Variants in ITPR1 observed in about 807,000 individuals in gnomAD.
ITPR1 encodes inositol 1,4,5-trisphosphate receptor type 1, also known as inositol 1,4,5-trisphosphate-gated calcium channel ITPR1.
ITPR1 carries 96 observed loss-of-function variants against 318.4 expected under a neutral mutation model. The ratio of observed to expected loss-of-function variants is 0.30; its 90% CI spans 0.26 to 0.36. The LOEUF is 0.36. Ranked by LOEUF, ITPR1 falls within the 10% of genes least tolerant of loss-of-function variation. The pLI, the probability that ITPR1 is intolerant of heterozygous loss-of-function variation, is 1.00. For missense variants in ITPR1, 2,440 were observed against 3,460.2 expected (o/e 0.71, Z 7.40); for synonymous variants, 1,312 against 1,289.9 (o/e 1.02, Z -0.37).
chr3:4,540,137 C>T (rs1245597927), intron 4 of ITPR1, among the ~76,000 whole-genome samples: 4 of 151,170 alleles, frequency 2.6e-5, no homozygotes, highest in African/African-American at 9.8e-5. Context: ...TTTGCCTTAC[C>T]CTCAGTTTTT....
chr3:4,620,547 G>A (rs890791364), intron 4 of ITPR1, among the ~76,000 whole-genome samples: 9 of 152,030 alleles, frequency 5.9e-5, no homozygotes, highest in African/African-American at 2.2e-4. Context: ...CAGAAACAGA[G>A]GCCTCACTTT....
At chr3:4,559,150 C>T (rs2086429953) in intron 4 of ITPR1, among the ~76,000 whole-genome samples, 1 of 135,730 alleles carries the variant, frequency 7.4e-6, no homozygotes, top group South Asian at 2.4e-4. Context: ...CAACTGTGCC[C>T]ACCTGAAAAA....
intron 39 of ITPR1, among the ~76,000 whole-genome samples, 200 bp from the exon 40 acceptor site, chr3:4,717,167 C>T (rs1379256608): frequency 2.0e-5 from 3 of 152,166 alleles, no homozygotes; most frequent in Non-Finnish European, 1.5e-5. Context: ...GTGGCAGCAT[C>T]GTGTCCGTTT....
In ITPR1 at chr3:4,826,500, C is replaced by CGGTG. The variant is rs1329585367; in HGVS notation, c.8028+8260_8028+8263dup. 6.6e-6 allele frequency among the ~76,000 whole-genome samples: 1 copy of CGGTG among 152,140 alleles called. No homozygotes were observed. Among genetic ancestry groups the CGGTG allele is most frequent in the Non-Finnish European group, 1.5e-5 (1 of 68,020 alleles). On this transcript the variant is annotated intron_variant, in intron 60 of 61. Transcript: ENST00000649015. The surrounding 1 kb of genome is among the most constrained non-coding windows in gnomAD (Gnocchi z 4.2). ...GAAGAGGGATTTGGCACTGGCTTCCCGGTGGCTGGAAACAGTGTGTCAGCG... is the reference window on the plus strand; with the variant it reads ...GAAGAGGGATTTGGCACTGGCTTCCCGGTGGGTGGCTGGAAACAGTGTGTCAGCG...
rs1010861325 is a variant in ITPR1, at chr3:4,847,486, A to G, written c.*1261A>G. The G allele has an allele frequency of 3.9e-5, 6 of 152,212 alleles. No individual in the cohort carries two copies. Among genetic ancestry groups the G allele is most frequent in the Non-Finnish European group, 7.3e-5 (5 of 68,036 alleles). The allele number at this position is 152,212 out of a possible 1,614,324, so 9.4% of individuals were successfully genotyped here. A position where few individuals can be genotyped will look rare whatever the true frequency, so the allele number is the denominator to read the frequency against. ...ATGCATATATAAAAATATTTAATAA[A>G]TGATGCAGAATATACAGTGACTGGT... On this transcript the variant is annotated 3_prime_UTR_variant, in exon 62 of 62. Transcript: ENST00000649015.
intron 2 of ITPR1, among the ~76,000 whole-genome samples, chr3:4,504,313 A>G (rs1385009182): frequency 6.6e-6 from 1 of 152,110 alleles, no homozygotes; most frequent in East Asian, 1.9e-4. Flanking sequence ...GGCGGGGGGA[A>G]TGGAGAATGA....
intron 4 of ITPR1, among the ~76,000 whole-genome samples, chr3:4,585,225 C>T (rs918337197): frequency 1.3e-5 from 2 of 152,144 alleles, no homozygotes; most frequent in Non-Finnish European, 2.9e-5. Context: ...ACCTATTTGC[C>T]TAATGCTGGG....
intron 7 of ITPR1, among the ~76,000 whole-genome samples, 192 bp downstream of exon 7, chr3:4,642,443 A>G (rs1160780925): frequency 6.6e-6 from 1 of 152,202 alleles, no homozygotes; most frequent in Non-Finnish European, 1.5e-5. Flanking sequence ...AAATACTGTC[A>G]CTGTGTTTTT....
intron 44 of ITPR1, among the ~76,000 whole-genome samples, chr3:4,744,935 T>A (rs2043978090): frequency 8.6e-6 from 1 of 116,470 alleles, no homozygotes; most frequent in African/African-American, 3.5e-5. Context: ...CTTCCTTCCT[T>A]CCTTCCTTCC....
At chr3:4,837,702 T>C (rs2051029543) in intron 61 of ITPR1, among the ~76,000 whole-genome samples, 1 of 152,126 alleles carries the variant, frequency 6.6e-6, no homozygotes, top group Non-Finnish European at 1.5e-5. Flanking sequence ...CGTACTCTGT[T>C]TCTGCCCTTT....
intron 44 of ITPR1, among the ~76,000 whole-genome samples, chr3:4,739,825 A>T (rs138986970): frequency 2.0e-5 from 3 of 152,256 alleles, no homozygotes; most frequent in Admixed American, 2.0e-4. Context: ...GTCTTAGAAC[A>T]GCTTACGTGG....
chr3:4,520,630 A>G (rs1191094267), intron 3 of ITPR1, among the ~76,000 whole-genome samples: 2 of 152,068 alleles, frequency 1.3e-5, no homozygotes, highest in African/African-American at 4.8e-5. Context: ...CTCCTGCACT[A>G]GCCTTGAGCT....
At chr3:4,538,057 T>C (rs2084046060) in intron 4 of ITPR1, among the ~76,000 whole-genome samples, 1 of 152,208 alleles carries the variant, frequency 6.6e-6, no homozygotes, top group Non-Finnish European at 1.5e-5. Context: ...CTTCATTCTC[T>C]TTCTTTAGAT....
At chr3:4,599,227 G>A (rs1359382842) in intron 4 of ITPR1, among the ~76,000 whole-genome samples, 1 of 152,172 alleles carries the variant, frequency 6.6e-6, no homozygotes, top group African/African-American at 2.4e-5. Flanking sequence ...TATGTTGCCT[G>A]CGGTCACAGA....
intron 4 of ITPR1, among the ~76,000 whole-genome samples, chr3:4,548,982 A>G (rs2085294107): frequency 6.6e-6 from 1 of 152,184 alleles, no homozygotes; most frequent in African/African-American, 2.4e-5. Context: ...CCAAGGAGTC[A>G]CTTTTCGGGA....
chr3:4,789,716 T>TTCAAGCGA (rs1353048006), intron 52 of ITPR1, among the ~76,000 whole-genome samples: 2 of 152,046 alleles, frequency 1.3e-5, no homozygotes, highest in African/African-American at 2.4e-5. Flanking sequence ...ACCTCCCGGG[T>TTCAAGCGA]TCAAGCGATT....
intron 12 of ITPR1, among the ~76,000 whole-genome samples, chr3:4,656,485 A>G (rs1200699858): frequency 4.6e-5 from 7 of 152,204 alleles, no homozygotes; most frequent in Admixed American, 4.6e-4. Flanking sequence ...GATAGAATAA[A>G]GGGTCTGGGG....
rs2080394532 is a variant in ITPR1, at chr3:4,494,451, G to C, written c.-72G>C. The C allele has an allele frequency of 6.6e-6, 1 of 152,294 alleles. No homozygotes were observed. Among genetic ancestry groups the C allele is most frequent in the Non-Finnish European group, 1.5e-5 (1 of 68,084 alleles). The allele number at this position is 152,294 out of a possible 1,614,324, so 9.4% of individuals were successfully genotyped here. On this transcript the variant is annotated 5_prime_UTR_variant, in exon 2 of 62. Coordinates refer to ENST00000649015, the MANE Select transcript of ITPR1 (RefSeq NM_001378452.1). ...TTTAGGAGCTGACTACAGAGGAGCA[G>C]GATTTGCACCCCTCGCTGGGCTTGC...
At chr3:4,524,889 G>A (rs528555149) in intron 4 of ITPR1, among the ~76,000 whole-genome samples, 33 of 152,142 alleles carry the variant, frequency 2.2e-4, no homozygotes, top group Non-Finnish European at 4.3e-4. Flanking sequence ...CTGTAAAATG[G>A]GAGAGGATAA....
Sources: allele counts gnomAD v4.1 joint callset (sites outside exome capture counted in the v4.1 genomes callset), GRCh38; gene constraint gnomAD v4.1.1; non-coding constraint Gnocchi (gnomAD v3.1); transcripts MANE v1.5; gene names NCBI Gene and HGNC (gene_info 2026-07-23, HGNC 2026-07-21).